The following IL1R1 variants were observed in gnomAD, a reference collection of about 807,000 sequenced individuals.
The protein encoded by IL1R1 is interleukin 1 receptor type 1, also known as interleukin-1 receptor type 1.
In IL1R1, 22 loss-of-function variants were observed where a neutral mutation model predicts 50.2. That is an observed-to-expected ratio of 0.44 (90% CI 0.31 to 0.63). The LOEUF is 0.63. Ranked by LOEUF, IL1R1 falls within the 20% of genes least tolerant of loss-of-function variation. IL1R1 has a pLI of 0.07. For missense variants in IL1R1, 509 were observed against 676.2 expected, an observed-to-expected ratio of 0.75 and a Z score of 2.74; for synonymous variants, 251 against 236.7, an observed-to-expected ratio of 1.06 and a Z score of -0.55.
rs201380818 is a variant in IL1R1, at chr2:102,172,676, C to G, written c.840-11C>G. Reference sequence around the variant, plus strand: ...ACTTACACAAGTTTATTTACTCTCTCTCTCGAATAGTGTGGAAAATCCTGC... The same window carrying G: ...ACTTACACAAGTTTATTTACTCTCTGTCTCGAATAGTGTGGAAAATCCTGC... On this transcript the variant is annotated splice_polypyrimidine_tract_variant and intron_variant, in intron 8 of 11. Coordinates refer to ENST00000410023, the MANE Select transcript of IL1R1 (RefSeq NM_000877.4). 2.0e-5 allele frequency: 32 copies of G among 1,593,996 alleles called. No homozygotes were observed. The East Asian group carries it at 6.5e-4, about 32-fold the overall frequency.
chr2:102,075,600 A>G (rs752756336), intron 1 of IL1R1, among the ~76,000 whole-genome samples: 1 of 152,164 alleles, frequency 6.6e-6, no homozygotes, highest in Non-Finnish European at 1.5e-5. Flanking sequence ...TCAGAACCCC[A>G]TTGCATATAT....
intron 1 of IL1R1, among the ~76,000 whole-genome samples, chr2:102,093,486 C>T (rs1189255992): frequency 6.6e-6 from 1 of 152,204 alleles, no homozygotes; most frequent in Non-Finnish European, 1.5e-5. Context: ...AGTTCATCCA[C>T]ATCCTCCCTT....
At chr2:102,103,540 T>C (rs1680245076), upstream of IL1R1, among the ~76,000 whole-genome samples, 1 of 152,090 alleles carries the variant, frequency 6.6e-6, no homozygotes, top group South Asian at 2.1e-4. Flanking sequence ...GACAGGAAAG[T>C]GTGTGAGACC....
intron 1 of IL1R1, among the ~76,000 whole-genome samples, chr2:102,146,081 C>T (rs546719532): frequency 1.3e-5 from 2 of 151,190 alleles, no homozygotes; most frequent in Admixed American, 6.6e-5. Flanking sequence ...TTGAAATGAC[C>T]CTCCCTGTAA....
intron 1 of IL1R1, among the ~76,000 whole-genome samples, chr2:102,078,602 G>GA (rs1048060015): frequency 1.8e-4 from 14 of 78,534 alleles, no homozygotes; most frequent in South Asian, 4.6e-4. Flanking sequence ...ACACACACAA[G>GA]AAAAAAAAAA....
intron 1 of IL1R1, among the ~76,000 whole-genome samples, chr2:102,137,673 C>T (rs954042845): frequency 6.6e-6 from 1 of 152,124 alleles, no homozygotes; most frequent in African/African-American, 2.4e-5. Flanking sequence ...AAGTCAATTC[C>T]ACCATATTCT....
At chr2:102,106,728 T>C (rs1424023615) in intron 1 of IL1R1, among the ~76,000 whole-genome samples, 2 of 152,240 alleles carry the variant, frequency 1.3e-5, no homozygotes, top group East Asian at 3.8e-4. Context: ...GAAATATATT[T>C]GTACTCTACA....
chr2:102,153,756 G>T (rs1024992968), intron 1 of IL1R1, among the ~76,000 whole-genome samples, 185 bp from the exon 2 acceptor site: 24 of 152,130 alleles, frequency 1.6e-4, no homozygotes, highest in African/African-American at 5.8e-4. Context: ...GTTTCCTGAG[G>T]CTTCCCCAGC....
chr2:102,175,916 A>T, intron 11 of IL1R1: 1 of 575,774 alleles, frequency 1.7e-6, no homozygotes, highest in East Asian at 2.8e-5. Context: ...ATACAATTAA[A>T]CAGGAGTGGT....
intron 1 of IL1R1, among the ~76,000 whole-genome samples, chr2:102,134,157 G>A (rs569079613): frequency 6.6e-6 from 1 of 152,150 alleles, no homozygotes; most frequent in Admixed American, 6.5e-5. Context: ...TGAAAAACAG[G>A]AATAAATCTG....
intron 1 of IL1R1, among the ~76,000 whole-genome samples, chr2:102,149,529 C>T (rs1317730251): frequency 6.6e-6 from 1 of 152,144 alleles, no homozygotes; most frequent in Non-Finnish European, 1.5e-5. Flanking sequence ...TGTGGAAGGT[C>T]AAGAGGATGT....
intron 1 of IL1R1, among the ~76,000 whole-genome samples, chr2:102,077,272 T>C (rs1373893141): frequency 6.6e-6 from 1 of 152,178 alleles, no homozygotes; most frequent in Non-Finnish European, 1.5e-5. Flanking sequence ...GGTTTTGCCA[T>C]TTTGGCCAGG....
At chr2:102,130,168 C>T (rs1681952183) in intron 1 of IL1R1, among the ~76,000 whole-genome samples, 1 of 152,210 alleles carries the variant, frequency 6.6e-6, no homozygotes, top group African/African-American at 2.4e-5. Context: ...GAAAAGTCCA[C>T]TGTACGTGTG....
At chr2:102,099,434 T>TG (rs1281147115) in intron 1 of IL1R1, among the ~76,000 whole-genome samples, 1 of 152,196 alleles carries the variant, frequency 6.6e-6, no homozygotes, top group Non-Finnish European at 1.5e-5. Flanking sequence ...TTTTTCACAT[T>TG]GGCCTCCTGG....
upstream of IL1R1, among the ~76,000 whole-genome samples, chr2:102,102,799 C>A (rs76229815): frequency 0.013 from 2,036 of 152,026 alleles, 53 homozygotes; most frequent in Non-Finnish European, 0.014. Context: ...ACATGTACAC[C>A]GCGGAATATT....
intron 1 of IL1R1, among the ~76,000 whole-genome samples, chr2:102,111,890 G>C (rs1230754156): frequency 6.6e-6 from 1 of 152,188 alleles, no homozygotes; most frequent in Non-Finnish European, 1.5e-5. Context: ...GACCAACTGA[G>C]AGCTTTCCTC....
At chr2:102,092,168 T>C (rs188859986) in intron 1 of IL1R1, among the ~76,000 whole-genome samples, 96 of 152,228 alleles carry the variant, frequency 6.3e-4, no homozygotes, top group Non-Finnish European at 1.1e-3. Flanking sequence ...ACATAACCAT[T>C]AAAAGCTTTG....
At chr2:102,083,562 AT>A (rs1577802446) in intron 1 of IL1R1, among the ~76,000 whole-genome samples, 2 of 152,268 alleles carry the variant, frequency 1.3e-5, no homozygotes, top group South Asian at 2.1e-4. Flanking sequence ...CTGACACCTG[AT>A]GACACACTTA....
At chr2:102,110,425 A>ATTC (rs1384636513) in intron 1 of IL1R1, among the ~76,000 whole-genome samples, 1 of 107,628 alleles carries the variant, frequency 9.3e-6, no homozygotes, top group Non-Finnish European at 1.9e-5. Flanking sequence ...TTTCAGAATT[A>ATTC]CCCACCCCCC....
Sources: gnomAD v4.1 joint callset for allele counts (sites outside exome capture counted in the v4.1 genomes callset) on GRCh38, gnomAD v4.1.1 for gene constraint, MANE v1.5 for transcripts, NCBI Gene and HGNC (gene_info 2026-07-23, HGNC 2026-07-21) for gene names.